Variants in TANC2 observed in about 807,000 individuals in gnomAD.
TANC2 encodes tetratricopeptide repeat, ankyrin repeat and coiled-coil containing 2.
In TANC2, 26 loss-of-function variants were observed where a neutral mutation model predicts 210.5. The observed-to-expected ratio is 0.12, with a 90% CI of 0.09 to 0.17. The LOEUF is 0.17. Among genes scored for constraint, TANC2 ranks in the 10% least tolerant of loss-of-function variants. The pLI is 1.00. For synonymous variants in TANC2, 931 were observed against 967.1 expected (o/e 0.96, Z 0.69); for missense variants, 2,129 against 2,608.9 (o/e 0.82, Z 4.01).
chr17:63,423,215 C>T (rs1479252513), exon 28 of TANC2: 4 of 152,126 alleles, frequency 2.6e-5, no homozygotes, highest in Admixed American at 1.3e-4. Flanking sequence ...TAAAGTCAGA[C>T]GCAGCAAAAA....
At chr17:63,023,970 T>C (rs2034451721) in intron 2 of TANC2, among the ~76,000 whole-genome samples, 1 of 152,226 alleles carries the variant, frequency 6.6e-6, no homozygotes, top group African/African-American at 2.4e-5. Context: ...CACTCATGTG[T>C]TCATATCTAT....
At chr17:63,258,893 C>T (rs62074977) in intron 8 of TANC2, among the ~76,000 whole-genome samples, 34,279 of 152,002 alleles carry the variant, frequency 0.23, 3,957 homozygotes, top group South Asian at 0.31. Context: ...CTCTTTTCCT[C>T]AAGCAGGAGT....
chr17:63,109,946 T>G (rs1341041845), intron 4 of TANC2, among the ~76,000 whole-genome samples: 1 of 151,764 alleles, frequency 6.6e-6, no homozygotes, highest in Non-Finnish European at 1.5e-5. Context: ...GCAGCCATGA[T>G]GTCTACTTTT....
Position 63,412,623 on chromosome 17 carries a change from C to T in TANC2, c.3899-57C>T. The T allele has an allele frequency of 2.9e-6, 4 of 1,384,372 alleles. No individual in the cohort carries two copies. The Admixed American group carries it at 6.6e-5, about 23-fold the overall frequency. The allele number at this position is 1,384,372 out of a possible 1,614,324, so 85.8% of individuals were successfully genotyped here. A position where few individuals can be genotyped will look rare whatever the true frequency, so the allele number is the denominator to read the frequency against. ...TTTTTCCTTCTTTTTTTTTTTTTCA[C>T]CTTCATCCATTTTTTTTTCCTCTCC... On this transcript the variant is annotated intron_variant, in intron 23 of 27. Coordinates refer to ENST00000689528, the Ensembl canonical transcript of TANC2. The surrounding 1 kb of genome is among the most constrained non-coding windows in gnomAD (Gnocchi z 4.2).
intron 3 of TANC2, among the ~76,000 whole-genome samples, chr17:63,083,820 C>T (rs559252843): frequency 2.8e-4 from 43 of 152,286 alleles, no homozygotes; most frequent in African/African-American, 8.9e-4. Context: ...TTGAGCTAGT[C>T]TGGCATACCT....
chr17:63,155,025 T>G (rs555883618), intron 5 of TANC2: 86 of 152,190 alleles, frequency 5.7e-4, no homozygotes, highest in African/African-American at 1.9e-3. Flanking sequence ...AGTAGGATTG[T>G]TGTGAGATAA....
chr17:62,996,713 T>C (rs2033124939), intron 1 of TANC2, among the ~76,000 whole-genome samples: 1 of 152,174 alleles, frequency 6.6e-6, no homozygotes, highest in South Asian at 2.1e-4. Context: ...GTTCTTCCAT[T>C]CTTCTCTATT....
chr17:63,197,621 C>T (rs1344176524), intron 6 of TANC2: 1 of 152,198 alleles, frequency 6.6e-6, no homozygotes, highest in African/African-American at 2.4e-5. Context: ...GTGATATTCA[C>T]CTGACCCCTT....
chr17:63,311,905 A>G (rs2045138656), intron 9 of TANC2, among the ~76,000 whole-genome samples: 1 of 152,244 alleles, frequency 6.6e-6, no homozygotes, highest in South Asian at 2.1e-4. Flanking sequence ...TTACAGGCAA[A>G]GTAGATTACT....
At chr17:63,306,708 A>G (rs1365551686) in intron 9 of TANC2, among the ~76,000 whole-genome samples, 2 of 152,240 alleles carry the variant, frequency 1.3e-5, no homozygotes, top group East Asian at 3.8e-4. Context: ...TAATCCCAGC[A>G]CTTTGGGAGG....
chr17:63,141,835 AATAAG>A (rs910536931), intron 4 of TANC2, among the ~76,000 whole-genome samples: 4 of 152,208 alleles, frequency 2.6e-5, no homozygotes, highest in Admixed American at 2.6e-4. Flanking sequence ...TTGAGTGCCA[AATAAG>A]ATCAGAGCAA....
chr17:63,053,588 G>A (rs1347892510), intron 2 of TANC2, among the ~76,000 whole-genome samples: 1 of 151,952 alleles, frequency 6.6e-6, no homozygotes, highest in East Asian at 1.9e-4. Context: ...CTCTTTCCTT[G>A]GGGATCTCAT....
chr17:63,104,634 A>G (rs994572251), intron 4 of TANC2, among the ~76,000 whole-genome samples: 7 of 152,200 alleles, frequency 4.6e-5, no homozygotes, highest in South Asian at 2.1e-4. Context: ...ATATTTCTCA[A>G]TAGGAACCCA....
chr17:63,031,838 G>T (rs1371042294), intron 2 of TANC2, among the ~76,000 whole-genome samples: 2 of 152,126 alleles, frequency 1.3e-5, no homozygotes, highest in Non-Finnish European at 2.9e-5. Context: ...TCTACATGGA[G>T]TACTAAGGGA....
At chr17:63,289,475 C>T (rs1026495318) in intron 9 of TANC2, among the ~76,000 whole-genome samples, 2 of 152,052 alleles carry the variant, frequency 1.3e-5, no homozygotes, top group African/African-American at 4.8e-5. Context: ...ACATACAGTC[C>T]ATTAATAGTC....
chr17:63,099,671 C>G (rs2037551264), intron 4 of TANC2, among the ~76,000 whole-genome samples: 1 of 152,126 alleles, frequency 6.6e-6, no homozygotes, highest in African/African-American at 2.4e-5. Context: ...TCAGCTTGTT[C>G]ATGTCAGGTT....
rs753291375 is a variant in TANC2, at chr17:63,420,145, A to T, written c.4415A>T (p.Gln1472Leu). 6.4e-7 allele frequency: 1 copy of T among 1,558,864 alleles called. No homozygotes were observed. The change falls in exon 28 of 28, where the codon CAG becomes CTG. Residue 1472 changes from glutamine (Q) to leucine (L), a missense_variant. By Grantham distance (113) the Gln-to-Leu change is moderately radical (BLOSUM62 -2). This residue lies in a region of TANC2 where 584 missense variants were observed against 627.3 expected (regional missense o/e 0.93). Transcript: ENST00000689528. The surrounding 1 kb of genome is among the most constrained non-coding windows in gnomAD (Gnocchi z 4.2). ...CAGCCACCGCCGCCACCGCAGCCTC[A>T]GCAGCAGTTGCCGGAAGAAGCAGAA...
chr17:63,079,903 C>T (rs999350498), intron 3 of TANC2, among the ~76,000 whole-genome samples: 10 of 152,146 alleles, frequency 6.6e-5, no homozygotes, highest in Non-Finnish European at 1.2e-4. Flanking sequence ...CCTCCAATGT[C>T]TTCTGCTTAT....
At chr17:63,204,921 C>T in intron 7 of TANC2, among the ~76,000 whole-genome samples, 1 of 151,866 alleles carries the variant, frequency 6.6e-6, no homozygotes, top group Non-Finnish European at 1.5e-5. Context: ...CCCATCTCCA[C>T]TAGAAATACA....
Sources: allele counts gnomAD v4.1 joint callset (sites outside exome capture counted in the v4.1 genomes callset), GRCh38; gene constraint gnomAD v4.1.1; regional missense constraint gnomAD v4.1.1; non-coding constraint Gnocchi (gnomAD v3.1); transcripts MANE v1.5; gene names NCBI Gene and HGNC (gene_info 2026-07-23, HGNC 2026-07-21).